The following BORCS8 variants were observed in gnomAD, a reference collection of about 807,000 sequenced individuals.
BORCS8 encodes the protein BLOC-1-related complex subunit 8.
BORCS8 carries 13 observed loss-of-function variants against 18.7 expected under a neutral mutation model. The ratio of observed to expected loss-of-function variants is 0.70; its 90% confidence interval spans 0.45 to 1.11. The LOEUF is 1.11. Among genes scored for constraint, BORCS8 ranks in the 50% least tolerant of loss-of-function variants. The pLI, the probability that BORCS8 is intolerant of heterozygous loss-of-function variation, is 0.00. For missense variants in BORCS8, 165 were observed against 165.7 expected, an observed-to-expected ratio of 1.00 and a Z score of 0.02; for synonymous variants, 68 against 64.8, an observed-to-expected ratio of 1.05 and a Z score of -0.24.
chr19:19,191,356 G>A (rs2060473389), intron 1 of BORCS8, among the ~76,000 whole-genome samples: 1 of 151,760 alleles, frequency 6.6e-6, no homozygotes, highest in South Asian at 2.1e-4. Flanking sequence ...GCCTGATGTG[G>A]TGGTGTGCAC....
Position 19,182,691 on chromosome 19 carries a change from G to C in BORCS8, c.216-8C>G, listed in dbSNP as rs751263645. 9 of 1,549,104 alleles carry C rather than the reference G, an allele frequency of 5.8e-6. No homozygotes were observed. The highest frequency in any genetic ancestry group is 7.9e-6 in the Non-Finnish European group (9 of 1,146,426). On this transcript the variant is annotated splice_region_variant and splice_polypyrimidine_tract_variant and intron_variant, in intron 3 of 5. Transcript: ENST00000462790. The surrounding 1 kb of genome is among the most constrained non-coding windows in gnomAD (Gnocchi z 4.1). ...ACCAGGTTCTTCACGGCGCTGAAAC[G>C]GGAGGACAGGCCTGGTCAGCGCTCC...
chr19:19,188,561 G>T (rs1456356700), intron 1 of BORCS8, among the ~76,000 whole-genome samples: 2 of 152,132 alleles, frequency 1.3e-5, no homozygotes, highest in Non-Finnish European at 2.9e-5. Context: ...CCACACTCGG[G>T]ACTCTTCAGA....
intron 1 of BORCS8, among the ~76,000 whole-genome samples, chr19:19,189,595 C>T (rs950783339): frequency 4.6e-5 from 7 of 152,112 alleles, no homozygotes; most frequent in African/African-American, 9.7e-5. Flanking sequence ...TCTCACTGCC[C>T]GAGAGGACAA....
At chr19:19,188,820 G>A (rs556036904) in intron 1 of BORCS8, among the ~76,000 whole-genome samples, 1 of 151,836 alleles carries the variant, frequency 6.6e-6, no homozygotes, top group African/African-American at 2.4e-5. Context: ...CCCTGCAGGT[G>A]TCTCCTGATG....
At chr19:19,185,429 T>C (rs903475891) in intron 3 of BORCS8, among the ~76,000 whole-genome samples, 2 of 152,216 alleles carry the variant, frequency 1.3e-5, no homozygotes, top group East Asian at 3.9e-4. Context: ...CTCGCATCTG[T>C]AATCTGAGCA....
chr19:19,181,378 C>A (rs1374620105), intron 4 of BORCS8, among the ~76,000 whole-genome samples: 1 of 152,136 alleles, frequency 6.6e-6, no homozygotes, highest in Non-Finnish European at 1.5e-5. Context: ...TGGGACAAGG[C>A]ACTCCAGAGG....
chr19:19,187,108 G>A (rs199707411), intron 1 of BORCS8, 103 bp from the exon 2 acceptor site: 116 of 816,644 alleles, frequency 1.4e-4, no homozygotes, highest in East Asian at 1.1e-3. Context: ...GGCATCTGGC[G>A]TGTCCCTCCG....
chr19:19,186,185 T>C lies in BORCS8; in HGVS notation c.151-87A>G, dbSNP rs562996069. 7.9e-5 allele frequency: 99 copies of C among 1,245,930 alleles called. No individual in the cohort carries two copies. The African/African-American group carries it at 1.4e-3, about 17-fold the overall frequency. The allele number at this position is 1,245,930 out of a possible 1,614,324, so 77.2% of individuals were successfully genotyped here. On this transcript the variant is annotated intron_variant, in intron 2 of 5. Coordinates refer to ENST00000462790, the MANE Select transcript of BORCS8 (RefSeq NM_001145784.2). ...CCAGCTCTCTTGGTTGGGGCTCTCC[T>C]GAGTCCTCATGGTGGAAGCAGAGAC...
rs2060337359 is a variant in BORCS8 at position 19,180,489 on chromosome 19, T to C, written c.*42+197A>G. 3 of 601,472 alleles carry C rather than the reference T, an allele frequency of 5.0e-6. No homozygotes were observed. In the Admixed American group the frequency reaches 8.4e-5, roughly 17 times the overall value. 37.3% of individuals were successfully genotyped at this position (601,472 alleles called of 1,614,324 possible). ...TGGAGAGAGAGTGGGAGAGATGGGC[T>C]GACATGGTCCCTGAGCAGCAGGGTG... is the stretch of plus-strand genomic sequence containing the variant. On this transcript the variant is annotated intron_variant, in intron 5 of 5. Coordinates refer to ENST00000462790, the MANE Select transcript of BORCS8 (RefSeq NM_001145784.2).
Position 19,182,819 on chromosome 19 carries a change from G to A in BORCS8, c.216-136C>T. 8.5e-7 allele frequency: 1 copy of A among 1,181,060 alleles called. No individual in the cohort carries two copies. Among genetic ancestry groups the A allele is most frequent in the Non-Finnish European group, 1.1e-6 (1 of 870,162 alleles). 73.2% of individuals were successfully genotyped at this position (1,181,060 alleles called of 1,614,324 possible). A position where few individuals can be genotyped will look rare whatever the true frequency, so the allele number is the denominator to read the frequency against. On this transcript the variant is annotated intron_variant, in intron 3 of 5. Coordinates refer to ENST00000462790, the MANE Select transcript of BORCS8 (RefSeq NM_001145784.2). This position sits in a 1 kb window ranked among gnomAD's most constrained non-coding sequence, Gnocchi z 4.1. ...GGGCTTCCCGAAGGACTCACAGTGGGCTTACATTTTAGATTTCCCTGCTAT... is the reference window on the plus strand; with the variant it reads ...GGGCTTCCCGAAGGACTCACAGTGGACTTACATTTTAGATTTCCCTGCTAT...
At chr19:19,190,368 C>A (rs188407306) in intron 1 of BORCS8, among the ~76,000 whole-genome samples, 149 of 152,326 alleles carry the variant, frequency 9.8e-4, no homozygotes, top group Non-Finnish European at 1.8e-3. Context: ...AGAACCCAGG[C>A]GTGTCTGGGA....
chr19:19,182,744 C>A lies in BORCS8; in HGVS notation c.216-61G>T. 1 of 1,493,638 alleles carries A rather than the reference C, an allele frequency of 6.7e-7. No homozygotes were observed. Among genetic ancestry groups the A allele is most frequent in the Non-Finnish European group, 9.0e-7 (1 of 1,116,570 alleles). 92.5% of individuals were successfully genotyped at this position (1,493,638 alleles called of 1,614,324 possible). A position where few individuals can be genotyped will look rare whatever the true frequency, so the allele number is the denominator to read the frequency against. ...ACCTGCAGGTAACTGTCCCACACCC[C>A]AGCACTTGAGGTCACCACCAGGGCT... On this transcript the variant is annotated intron_variant, in intron 3 of 5. Coordinates refer to ENST00000462790, the MANE Select transcript of BORCS8 (RefSeq NM_001145784.2). The surrounding 1 kb of genome is among the most constrained non-coding windows in gnomAD (Gnocchi z 4.1).
chr19:19,180,703 G>A lies in BORCS8; in HGVS notation c.*25C>T, dbSNP rs1364170012. The stretch of plus-strand genomic sequence containing the variant: ...GCACTGACCTGGGTTGGCGGAGGCT[G>A]GGGGGCCCCGAGTCTCTTCCAGGAT... On this transcript the variant is annotated 3_prime_UTR_variant, in exon 5 of 6. Transcript: ENST00000462790. 5.2e-6 allele frequency: 8 copies of A among 1,545,184 alleles called. No individual in the cohort carries two copies. The African/African-American group carries it at 6.9e-5, about 13-fold the overall frequency.
chr19:19,188,319 C>T (rs1035575601), intron 1 of BORCS8, among the ~76,000 whole-genome samples: 4 of 152,042 alleles, frequency 2.6e-5, no homozygotes, highest in African/African-American at 4.8e-5. Flanking sequence ...TGAGCCACCG[C>T]GCCCGGCTCA....
At chr19:19,189,320 G>A (rs970205792) in intron 1 of BORCS8, among the ~76,000 whole-genome samples, 2 of 152,126 alleles carry the variant, frequency 1.3e-5, no homozygotes, top group African/African-American at 4.8e-5. Context: ...GCCATCTCCT[G>A]CCTGGATGCC....
chr19:19,185,925 A>G, intron 3 of BORCS8, 109 bp downstream of exon 3: 1 of 1,119,262 alleles, frequency 8.9e-7, no homozygotes, highest in Admixed American at 2.0e-5. Flanking sequence ...CCACTCGGGT[A>G]GGCCTGGCAG....
At chr19:19,184,305 CT>C (rs900454275) in intron 3 of BORCS8, among the ~76,000 whole-genome samples, 3,629 of 108,284 alleles carry the variant, frequency 0.034, 29 homozygotes, top group East Asian at 0.062. Context: ...TTTTTCCTTT[CT>C]TTTTTTTTTT....
chr19:19,188,736 C>T (rs2060435855), intron 1 of BORCS8, among the ~76,000 whole-genome samples: 1 of 152,146 alleles, frequency 6.6e-6, no homozygotes, highest in South Asian at 2.1e-4. Context: ...ATGAGGCCTC[C>T]CTCTGCAGAT....
At position 19,180,712 on chromosome 19, in the gene BORCS8, C is replaced by T. The variant is rs768848314; in HGVS notation, c.*16G>A. The T allele has an allele frequency of 2.2e-5, 34 of 1,549,862 alleles. No homozygotes were observed. Among genetic ancestry groups the T allele is most frequent in the Middle Eastern group, 3.9e-4 (2 of 5,184 alleles). ...TGGGTTGGCGGAGGCTGGGGGGCCC[C>T]GAGTCTCTTCCAGGATCAGGCTGAG... On this transcript the variant is annotated 3_prime_UTR_variant, in exon 5 of 6. Coordinates refer to ENST00000462790, the MANE Select transcript of BORCS8 (RefSeq NM_001145784.2).
Sources: gnomAD v4.1 joint callset for allele counts (sites outside exome capture counted in the v4.1 genomes callset) on GRCh38, gnomAD v4.1.1 for gene constraint, Gnocchi (gnomAD v3.1) non-coding constraint, MANE v1.5 for transcripts, NCBI Gene and HGNC (gene_info 2026-07-23, HGNC 2026-07-21) for gene names.